Variants in OPCML observed in about 807,000 individuals in gnomAD.
OPCML encodes opioid binding protein/cell adhesion molecule like.
Under a neutral mutation model 37.8 loss-of-function variants are expected in OPCML, and 13 were observed. The ratio of observed to expected loss-of-function variants is 0.34; its 90% CI spans 0.22 to 0.55. The LOEUF is 0.55. Ranked by LOEUF, OPCML falls within the 20% of genes least tolerant of loss-of-function variation. The pLI is 0.91. For synonymous variants in OPCML, 176 were observed against 168.8 expected (o/e 1.04, Z -0.33); for missense variants, 341 against 435.6 (o/e 0.78, Z 1.93).
intron 1 of OPCML, among the ~76,000 whole-genome samples, chr11:133,377,627 A>AAAAAAAAAAAAAAAAAAAAAAT: frequency 6.6e-6 from 1 of 150,868 alleles, no homozygotes; most frequent in African/African-American, 2.4e-5. Context: ...AAAAAAAAAA[A>AAAAAAAAAAAAAAAAAAAAAAT]GAGCACCAAG....
At chr11:133,039,740 G>A (rs921056671) in intron 1 of OPCML, among the ~76,000 whole-genome samples, 14 of 152,086 alleles carry the variant, frequency 9.2e-5, no homozygotes, top group South Asian at 2.1e-4. Flanking sequence ...GTCGTGGACC[G>A]AAAGCAAGGC....
At chr11:133,218,649 G>A (rs937488998) in intron 1 of OPCML, among the ~76,000 whole-genome samples, 14 of 152,172 alleles carry the variant, frequency 9.2e-5, no homozygotes, top group African/African-American at 2.9e-4. Flanking sequence ...CTGGCATAGA[G>A]GGGAGACACA....
intron 1 of OPCML, among the ~76,000 whole-genome samples, chr11:133,463,242 G>T (rs186127930): frequency 6.6e-6 from 1 of 152,020 alleles, no homozygotes; most frequent in East Asian, 1.9e-4. Flanking sequence ...ACCAGGGAAA[G>T]GTCAGAGAGG....
intron 1 of OPCML, among the ~76,000 whole-genome samples, chr11:133,013,495 T>C (rs1299688192): frequency 6.6e-6 from 1 of 152,244 alleles, no homozygotes; most frequent in African/African-American, 2.4e-5. Context: ...ATGATAAAGA[T>C]AATTACTCAT....
chr11:132,937,585 G>T (rs1205160092), intron 2 of OPCML, among the ~76,000 whole-genome samples: 3 of 133,384 alleles, frequency 2.2e-5, no homozygotes, highest in Non-Finnish European at 4.9e-5. Flanking sequence ...GGTGTGTGTG[G>T]CGTGTGTGGG....
chr11:133,158,178 G>A (rs1342888052), intron 1 of OPCML, among the ~76,000 whole-genome samples: 5 of 152,106 alleles, frequency 3.3e-5, no homozygotes, highest in Admixed American at 3.3e-4. Context: ...GGACTTTTGC[G>A]TTCTACGCAC....
chr11:133,467,783 C>A (rs575547876), intron 1 of OPCML, among the ~76,000 whole-genome samples: 1 of 152,302 alleles, frequency 6.6e-6, no homozygotes, highest in African/African-American at 2.4e-5. Context: ...TGCCCAACTT[C>A]TTTGGCCAAT....
chr11:132,801,997 C>A (rs76955709), intron 2 of OPCML, among the ~76,000 whole-genome samples: 1 of 152,134 alleles, frequency 6.6e-6, no homozygotes, highest in Non-Finnish European at 1.5e-5. Context: ...CATCTCCCCC[C>A]ACCACCCTCA....
At chr11:132,857,586 A>AAT (rs1242885195) in intron 2 of OPCML, among the ~76,000 whole-genome samples, 2 of 152,126 alleles carry the variant, frequency 1.3e-5, no homozygotes, top group African/African-American at 2.4e-5. Flanking sequence ...CATACTTAAA[A>AAT]ATATATATAT....
In OPCML at chr11:132,422,127, G is replaced by A. The variant is rs74846373; in HGVS notation, c.917-1834C>T. ...GTTTTGTATGTGTATATGTATATAC[G>A]TATATATATATGTCTTTGTCTAATT... On this transcript the variant is annotated intron_variant, in intron 7 of 7. Coordinates refer to ENST00000524381, the MANE Select transcript of OPCML (RefSeq NM_001012393.5). Among the ~76,000 whole-genome samples, 1,430 of 151,772 alleles carry A rather than the reference G, an allele frequency of 9.4e-3. 25 individuals are homozygous for A. The highest frequency in any genetic ancestry group is 0.033 in the African/African-American group (1,366 of 41,368).
intron 1 of OPCML, among the ~76,000 whole-genome samples, chr11:133,130,256 A>G (rs557732978): frequency 6.6e-6 from 1 of 152,264 alleles, no homozygotes; most frequent in East Asian, 1.9e-4. Flanking sequence ...AAAATGAAGC[A>G]TAGAAGAAAA....
chr11:132,550,401 G>T (rs989796862), intron 3 of OPCML, among the ~76,000 whole-genome samples: 4 of 152,064 alleles, frequency 2.6e-5, no homozygotes, highest in African/African-American at 9.7e-5. Context: ...AGATCTGGTT[G>T]TACAAAAGTG....
intron 1 of OPCML, among the ~76,000 whole-genome samples, chr11:132,993,057 G>A (rs922029331): frequency 3.3e-5 from 5 of 152,160 alleles, no homozygotes; most frequent in Non-Finnish European, 7.4e-5. Context: ...CTCCTCTGCA[G>A]ATCCACACCC....
chr11:133,386,345 A>C (rs1216344825), intron 1 of OPCML, among the ~76,000 whole-genome samples: 1 of 152,238 alleles, frequency 6.6e-6, no homozygotes, highest in African/African-American at 2.4e-5. Context: ...AAAACAAATA[A>C]ATCCACTTCC....
intron 1 of OPCML, among the ~76,000 whole-genome samples, chr11:133,471,711 A>C (rs2137007189): frequency 6.6e-6 from 1 of 152,336 alleles, no homozygotes; most frequent in Middle Eastern, 3.4e-3. Context: ...AAACAGAAGG[A>C]TTGAGGAGTA....
chr11:133,044,503 A>T (rs1481636621), intron 1 of OPCML, among the ~76,000 whole-genome samples: 2 of 152,188 alleles, frequency 1.3e-5, no homozygotes, highest in Non-Finnish European at 2.9e-5. Flanking sequence ...TTAAAAGCTC[A>T]TCAAGGGAAG....
chr11:133,354,295 G>GGGGTGA (rs1944224600), intron 1 of OPCML, among the ~76,000 whole-genome samples: 8 of 6,072 alleles, frequency 1.3e-3, no homozygotes, highest in Non-Finnish European at 1.9e-3. Context: ...GGTGGTGCTG[G>GGGGTGA]TGGTGGTGAC....
intron 1 of OPCML, among the ~76,000 whole-genome samples, chr11:133,530,697 T>C (rs1034060585): frequency 6.6e-6 from 1 of 152,224 alleles, no homozygotes; most frequent in Non-Finnish European, 1.5e-5. Flanking sequence ...CTGAACTTCT[T>C]GGTCAGCCTA....
At chr11:133,196,745 G>T (rs1024053743) in intron 1 of OPCML, among the ~76,000 whole-genome samples, 1 of 152,180 alleles carries the variant, frequency 6.6e-6, no homozygotes, top group African/African-American at 2.4e-5. Context: ...AGACTAATCT[G>T]CGAGCCAAGA....
Sources: gnomAD v4.1 joint callset for allele counts (sites outside exome capture counted in the v4.1 genomes callset) on GRCh38, gnomAD v4.1.1 for gene constraint, MANE v1.5 for transcripts, NCBI Gene and HGNC (gene_info 2026-07-23, HGNC 2026-07-21) for gene names.